Variants in ST6GAL2 observed in about 807,000 individuals in gnomAD.
ST6GAL2 encodes beta-galactoside alpha-2,6-sialyltransferase 2.
Under a neutral mutation model 37.5 loss-of-function variants are expected in ST6GAL2, and 24 were observed. The observed-to-expected ratio is 0.64, with a 90% CI of 0.46 to 0.90. ST6GAL2 has a LOEUF of 0.90. ST6GAL2 is among the 40% of genes least tolerant of loss of function. The probability of loss-of-function intolerance (pLI) is 0.00; values close to 1 mark genes in which losing one functional copy is unlikely to be tolerated. For synonymous variants in ST6GAL2, 306 were observed against 295.1 expected (o/e 1.04, Z -0.38); for missense variants, 715 against 712.7 (o/e 1.00, Z -0.04).
chr2:106,860,110 A>T (rs1677738136), intron 1 of ST6GAL2, among the ~76,000 whole-genome samples: 1 of 152,122 alleles, frequency 6.6e-6, no homozygotes, highest in East Asian at 1.9e-4. Context: ...CTTAGCTCAA[A>T]TGCCACCTAT....
intron 3 of ST6GAL2, among the ~76,000 whole-genome samples, chr2:106,833,327 T>C (rs1676499027): frequency 6.6e-6 from 1 of 152,220 alleles, no homozygotes; most frequent in Non-Finnish European, 1.5e-5. Flanking sequence ...TGTTATTAAA[T>C]GAATGGCAGA....
rs1337922092 is a variant in ST6GAL2, at chr2:106,805,061, T to C, written c.*1617A>G. The C allele has an allele frequency of 2.6e-5, 4 of 152,154 alleles. No individual in the cohort carries two copies. Among genetic ancestry groups the C allele is most frequent in the African/African-American group, 9.7e-5 (4 of 41,432 alleles). The allele number at this position is 152,154 out of a possible 1,614,324, so 9.4% of individuals were successfully genotyped here. ...GCAAGCTATAGGAGATGTCTTGTTT[T>C]CCAGCTCCATATCTGCTGAATAGAC... On this transcript the variant is annotated 3_prime_UTR_variant, in exon 6 of 6. Coordinates refer to ENST00000409382, the MANE Select transcript of ST6GAL2 (RefSeq NM_001142351.2).
Position 106,843,377 on chromosome 2 carries a change from TGGACATGGA to T in ST6GAL2, c.592_600del (p.Ser198_Ser200del). 6.2e-7 allele frequency: 1 copy of T among 1,614,132 alleles called. No homozygotes were observed. Reference sequence around the variant, plus strand: ...TTCCAGAGCCGGTACAGGAAGGCCCTGGACATGGAGGAGTACAGCCTGTCGCCGTCGTCG... The same window carrying T: ...TTCCAGAGCCGGTACAGGAAGGCCCTGGAGTACAGCCTGTCGCCGTCGTCG... On this transcript the variant is annotated inframe_deletion, in exon 2 of 6. Transcript: ENST00000409382.
At chr2:106,855,254 G>GGAA (rs998918673) in intron 1 of ST6GAL2, among the ~76,000 whole-genome samples, 5 of 152,208 alleles carry the variant, frequency 3.3e-5, no homozygotes, top group Admixed American at 6.5e-5. Context: ...AAGAACCCAG[G>GGAA]GAAGAAAGGG....
intron 1 of ST6GAL2, among the ~76,000 whole-genome samples, chr2:106,847,667 C>G (rs1421537286): frequency 6.6e-6 from 1 of 152,144 alleles, no homozygotes; most frequent in Non-Finnish European, 1.5e-5. Context: ...ACTACCAATC[C>G]CCAGACTCTA....
intron 1 of ST6GAL2, among the ~76,000 whole-genome samples, chr2:106,884,934 T>TATATACACACAC (rs1425070594): frequency 1.7e-4 from 21 of 120,460 alleles, no homozygotes; most frequent in African/African-American, 7.1e-4. Flanking sequence ...TATATATATA[T>TATATACACACAC]ACATACACAC....
intron 5 of ST6GAL2, among the ~76,000 whole-genome samples, chr2:106,810,999 A>G (rs1213797068): frequency 1.3e-5 from 2 of 152,166 alleles, no homozygotes; most frequent in African/African-American, 4.8e-5. Context: ...AAAACTGTGT[A>G]ATGTGAAAGG....
intron 1 of ST6GAL2, among the ~76,000 whole-genome samples, chr2:106,875,262 G>A (rs534897446): frequency 6.8e-6 from 1 of 147,348 alleles, no homozygotes; most frequent in Non-Finnish European, 1.5e-5. Flanking sequence ...TGCAACCTCC[G>A]CCTCCCAGGA....
chr2:106,877,107 C>A (rs1387000234), intron 1 of ST6GAL2, among the ~76,000 whole-genome samples: 1 of 152,208 alleles, frequency 6.6e-6, no homozygotes, highest in East Asian at 1.9e-4. Flanking sequence ...GGGTTGAAGA[C>A]TATGAGGGGA....
At chr2:106,862,381 C>T (rs999071822) in intron 1 of ST6GAL2, among the ~76,000 whole-genome samples, 9 of 152,190 alleles carry the variant, frequency 5.9e-5, no homozygotes, top group Admixed American at 3.9e-4. Context: ...GATTGCTTTT[C>T]GAGAAAGGAA....
intron 2 of ST6GAL2, among the ~76,000 whole-genome samples, chr2:106,842,020 T>C (rs1481427497): frequency 6.6e-6 from 1 of 152,266 alleles, no homozygotes; most frequent in East Asian, 1.9e-4. Context: ...AGCAGACGAC[T>C]CTCAAAATGC....
intron 1 of ST6GAL2, among the ~76,000 whole-genome samples, chr2:106,876,857 G>C (rs1037830193): frequency 1.3e-5 from 2 of 152,202 alleles, no homozygotes; most frequent in Non-Finnish European, 2.9e-5. Context: ...GTGCCTTGGA[G>C]GTAGCAGGCG....
At chr2:106,809,990 C>T (rs1468965572) in intron 5 of ST6GAL2, among the ~76,000 whole-genome samples, 1 of 152,110 alleles carries the variant, frequency 6.6e-6, no homozygotes, top group Non-Finnish European at 1.5e-5. Flanking sequence ...TGAGGAATCC[C>T]TAAGTTCTCT....
At chr2:106,855,528 G>A (rs1203645082) in intron 1 of ST6GAL2, among the ~76,000 whole-genome samples, 1 of 152,142 alleles carries the variant, frequency 6.6e-6, no homozygotes, top group African/African-American at 2.4e-5. Context: ...CTCTGAGGAC[G>A]GAGGAAAGGG....
intron 1 of ST6GAL2, among the ~76,000 whole-genome samples, chr2:106,862,541 TAA>T (rs1677845371): frequency 6.6e-6 from 1 of 152,088 alleles, no homozygotes; most frequent in Non-Finnish European, 1.5e-5. Context: ...AAAAATACCC[TAA>T]AAATGTTCTG....
intron 5 of ST6GAL2, 101 bp downstream of exon 5, chr2:106,829,965 T>C: frequency 1.9e-6 from 2 of 1,081,048 alleles, no homozygotes; most frequent in Non-Finnish European, 2.7e-6. Flanking sequence ...GCATTTCAGA[T>C]AAGGTATTTT....
intron 5 of ST6GAL2, chr2:106,824,806 G>A (rs969947843): frequency 3.3e-5 from 5 of 152,162 alleles, no homozygotes; most frequent in African/African-American, 1.2e-4. Context: ...ATTGCAATAA[G>A]TACATGATTA....
intron 5 of ST6GAL2, among the ~76,000 whole-genome samples, chr2:106,818,929 T>G (rs1380553435): frequency 2.0e-5 from 3 of 152,096 alleles, no homozygotes; most frequent in Non-Finnish European, 4.4e-5. Flanking sequence ...ATTCCAGAGT[T>G]GAAAAATGCA....
At chr2:106,835,995 C>T (rs1443225133) in intron 2 of ST6GAL2, among the ~76,000 whole-genome samples, 2 of 152,166 alleles carry the variant, frequency 1.3e-5, no homozygotes, top group Non-Finnish European at 2.9e-5. Flanking sequence ...AAACAGTAGA[C>T]TCTTGAAATT....
Sources: allele counts gnomAD v4.1 joint callset (sites outside exome capture counted in the v4.1 genomes callset), GRCh38; gene constraint gnomAD v4.1.1; transcripts MANE v1.5; gene names NCBI Gene and HGNC (gene_info 2026-07-23, HGNC 2026-07-21).